The following FAM149A variants were observed in gnomAD, a reference collection of about 807,000 sequenced individuals.
FAM149A encodes protein FAM149A.
Under a neutral mutation model 78.2 loss-of-function variants are expected in FAM149A, and 71 were observed. The ratio of observed to expected loss-of-function variants is 0.91; its 90% CI spans 0.75 to 1.11. The LOEUF is 1.11. Among genes scored for constraint, FAM149A ranks in the 50% least tolerant of loss-of-function variants. FAM149A has a pLI of 0.00. For synonymous variants in FAM149A, 446 were observed against 410.5 expected, an observed-to-expected ratio of 1.09 and a Z score of -1.04; for missense variants, 1,036 against 971.0, an observed-to-expected ratio of 1.07 and a Z score of -0.89.
chr4:186,123,790 CA>C (rs747980095), intron 1 of FAM149A: 292 of 966,132 alleles, frequency 3.0e-4, no homozygotes, highest in Non-Finnish European at 3.5e-4. Context: ...GGCTTTTCAG[CA>C]GAGTAAAATG....
intron 1 of FAM149A, among the ~76,000 whole-genome samples, chr4:186,122,059 T>C (rs993075012): frequency 6.6e-6 from 1 of 152,198 alleles, no homozygotes; most frequent in Non-Finnish European, 1.5e-5. Flanking sequence ...CTTTCACTAG[T>C]TTCTCACTTG....
intron 1 of FAM149A, among the ~76,000 whole-genome samples, chr4:186,137,777 AT>A (rs1286985971): frequency 3.3e-5 from 5 of 151,984 alleles, no homozygotes; most frequent in African/African-American, 1.2e-4. Flanking sequence ...TTAATATCAT[AT>A]TTATTTATTG....
At chr4:186,147,066 G>A (rs1002133817) in intron 1 of FAM149A, 39 of 754,986 alleles carry the variant, frequency 5.2e-5, no homozygotes, top group African/African-American at 7.6e-5. Context: ...CAGCATCTTC[G>A]TAGAGTAGCA....
rs1432844926 is a variant in FAM149A, at chr4:186,105,108, T to C, written c.32T>C (p.Leu11Pro). The C allele has an allele frequency of 1.6e-6, 2 of 1,281,370 alleles. No homozygotes were observed. The highest frequency in any genetic ancestry group is 1.6e-5 in the African/African-American group (1 of 63,864). 79.4% of individuals were successfully genotyped at this position (1,281,370 alleles called of 1,614,324 possible). A position where few individuals can be genotyped will look rare whatever the true frequency, so the allele number is the denominator to read the frequency against. ...GCTGCTGTGCTGGACCTTGGGTCTCTCTTGGCCAAACTCTTCGAGACCTCG... is the reference window on the plus strand; with the variant it reads ...GCTGCTGTGCTGGACCTTGGGTCTCCCTTGGCCAAACTCTTCGAGACCTCG... Residue 11 changes from leucine to proline, a missense_variant, in exon 1 of 14, where the codon CTC becomes CCC. Coordinates refer to ENST00000389354, the MANE Select transcript of FAM149A (RefSeq NM_001367768.3).
intron 1 of FAM149A, chr4:186,130,287 C>CTCTCTCTCTA (rs2099320103): frequency 2.6e-5 from 1 of 38,228 alleles, no homozygotes; most frequent in Non-Finnish European, 4.5e-5. Context: ...CTCTCTCTCT[C>CTCTCTCTCTA]TCTCTCTATA....
rs146694982 is a variant in FAM149A at position 186,160,013 on chromosome 4, C to A, written c.1575+2294C>A. On this transcript the variant is annotated intron_variant, in intron 8 of 13. Transcript: ENST00000389354. ...ACACTGCACACATCCCCCCACACAC[C>A]CCCCACACAAACACACACCCCACAC... 3.3e-3 allele frequency among the ~76,000 whole-genome samples: 470 copies of A among 142,160 alleles called. 1 individual carries two copies. The highest frequency in any genetic ancestry group is 0.012 in the African/African-American group (457 of 37,890). 93.3% of individuals were successfully genotyped at this position (142,160 alleles called of 152,430 possible).
At chr4:186,120,520 G>A (rs912319712) in intron 1 of FAM149A, among the ~76,000 whole-genome samples, 4 of 151,940 alleles carry the variant, frequency 2.6e-5, no homozygotes, top group South Asian at 2.1e-4. Flanking sequence ...AAGACCGGGC[G>A]CGGTGGCTCA....
intron 11 of FAM149A, 22 bp from the exon 12 acceptor site, chr4:186,166,946 G>T: frequency 6.2e-7 from 1 of 1,601,162 alleles, no homozygotes; most frequent in South Asian, 1.1e-5. Context: ...TTTTAAACAA[G>T]AACATACTAT....
intron 1 of FAM149A, among the ~76,000 whole-genome samples, chr4:186,143,122 CTT>C (rs1732647290): frequency 2.1e-5 from 3 of 140,846 alleles, no homozygotes; most frequent in African/African-American, 7.7e-5. Context: ...ATGTTTGGAT[CTT>C]AAATGACTTT....
Position 186,174,078 on chromosome 4 carries a change from A to G in FAM149A, c.*2091A>G, listed in dbSNP as rs150093881. 2.7e-3 allele frequency among the ~76,000 whole-genome samples: 257 copies of G among 94,698 alleles called. 55 individuals are homozygous for G. The highest frequency in any genetic ancestry group is 0.01 in the African/African-American group (235 of 23,220). The allele number at this position is 94,698 out of a possible 152,430, so 62.1% of individuals were successfully genotyped here. Reference sequence around the variant, plus strand: ...TCCAACTCCTTCCCTATTCAGTCCAAACTTCCTTTTTTTTTTTTTTTACTT... The same window carrying G: ...TCCAACTCCTTCCCTATTCAGTCCAGACTTCCTTTTTTTTTTTTTTTACTT... On this transcript the variant is annotated 3_prime_UTR_variant, in exon 14 of 14. Coordinates refer to ENST00000389354, the MANE Select transcript of FAM149A (RefSeq NM_001367768.3).
chr4:186,171,797 T>C lies in FAM149A; in HGVS notation c.2219-117T>C, dbSNP rs563926158. The C allele has an allele frequency of 3.5e-5, 24 of 694,650 alleles. No homozygotes were observed. The South Asian group carries it at 1.0e-3, about 29-fold the overall frequency. The allele number at this position is 694,650 out of a possible 1,614,324, so 43.0% of individuals were successfully genotyped here. On this transcript the variant is annotated intron_variant, in intron 13 of 13. Coordinates refer to ENST00000389354, the MANE Select transcript of FAM149A (RefSeq NM_001367768.3). ...GACTATTTCCTAATTTATACAAAAG[T>C]GTATTAAAATAAAATATATATTTTA...
At chr4:186,153,843 A>C in intron 5 of FAM149A, 73 bp downstream of exon 5, 725 of 1,500,510 alleles carry the variant, frequency 4.8e-4, no homozygotes, top group Non-Finnish European at 6.0e-4. Context: ...TGTTTATCTC[A>C]TCTATAAGCC....
intron 13 of FAM149A, chr4:186,167,703 G>T: frequency 3.7e-6 from 1 of 272,520 alleles, no homozygotes; most frequent in Non-Finnish European, 7.3e-6. Flanking sequence ...CAGATAAATA[G>T]GTATTCTCAG....
chr4:186,150,513 G>A (rs1484391059), intron 3 of FAM149A, among the ~76,000 whole-genome samples: 6 of 121,874 alleles, frequency 4.9e-5, no homozygotes, highest in African/African-American at 9.3e-5. Context: ...TCCGCCTCCC[G>A]GGTTCACGCC....
chr4:186,104,724 G>C lies in FAM149A; in HGVS notation c.-353G>C, dbSNP rs13140491. On this transcript the variant is annotated 5_prime_UTR_variant, in exon 1 of 14. Coordinates refer to ENST00000389354, the MANE Select transcript of FAM149A (RefSeq NM_001367768.3). ...CAATTAGCCTGGAGCGCGGCCGGGTGTGTTGAACGTAGCAACCGCGGGCGG... is the reference window on the plus strand; with the variant it reads ...CAATTAGCCTGGAGCGCGGCCGGGTCTGTTGAACGTAGCAACCGCGGGCGG... Among the ~76,000 whole-genome samples the C allele has an allele frequency of 6.7e-6, 1 of 148,834 alleles. No homozygotes were observed.
chr4:186,120,515 CG>C (rs1339278524), intron 1 of FAM149A, among the ~76,000 whole-genome samples: 1 of 151,860 alleles, frequency 6.6e-6, no homozygotes, highest in Non-Finnish European at 1.5e-5. Context: ...TTAGTAAGAC[CG>C]GGCGCGGTGG....
At chr4:186,155,487 GCTC>G (rs1733974454) in intron 6 of FAM149A, among the ~76,000 whole-genome samples, 2 of 152,058 alleles carry the variant, frequency 1.3e-5, no homozygotes, top group South Asian at 2.1e-4. Flanking sequence ...TAAACAACCT[GCTC>G]CTCAACAACC....
intron 1 of FAM149A, among the ~76,000 whole-genome samples, chr4:186,121,400 T>C (rs1211151237): frequency 6.6e-6 from 1 of 152,254 alleles, no homozygotes; most frequent in Non-Finnish European, 1.5e-5. Context: ...TTTAACATTT[T>C]GGATCTTTTT....
intron 1 of FAM149A, chr4:186,132,162 T>C (rs980631927): frequency 3.0e-6 from 3 of 985,340 alleles, no homozygotes; most frequent in Middle Eastern, 1.0e-3. Flanking sequence ...TTTTCCAGTT[T>C]ATGTCACTTT....
Sources: gnomAD v4.1 joint callset for allele counts (sites outside exome capture counted in the v4.1 genomes callset) on GRCh38, gnomAD v4.1.1 for gene constraint, MANE v1.5 for transcripts, NCBI Gene and HGNC (gene_info 2026-07-23, HGNC 2026-07-21) for gene names.